NPAS3: variants seen among roughly 807,000 people sequenced by gnomAD.
The protein encoded by NPAS3 is neuronal PAS domain protein 3.
In NPAS3, 14 loss-of-function variants were observed where a neutral mutation model predicts 73.1. The observed-to-expected ratio is 0.19, with a 90% CI of 0.13 to 0.30. NPAS3 has a LOEUF of 0.30. NPAS3 is among the 10% of genes least tolerant of loss of function. The pLI is 1.00. For missense variants in NPAS3, 1,096 were observed against 1,250.0 expected (o/e 0.88, Z 1.86); for synonymous variants, 620 against 541.5 (o/e 1.14, Z -2.01).
At chr14:33,089,074 T>C (rs1439958839) in intron 2 of NPAS3, among the ~76,000 whole-genome samples, 1 of 95,118 alleles carries the variant, frequency 1.1e-5, no homozygotes, top group Non-Finnish European at 2.0e-5. Flanking sequence ...AAGCTGAAAA[T>C]TCTAAAAATC....
At chr14:33,611,237 A>AGG (rs1395865489) in intron 5 of NPAS3, 1 of 151,818 alleles carries the variant, frequency 6.6e-6, no homozygotes, top group East Asian at 1.9e-4. Context: ...GCACATGTTA[A>AGG]TAGGTTTTGT....
intron 5 of NPAS3, among the ~76,000 whole-genome samples, chr14:33,561,529 G>A (rs780350669): frequency 6.6e-6 from 1 of 152,078 alleles, no homozygotes; most frequent in South Asian, 2.1e-4. Context: ...TTGTTAACTC[G>A]GTATTACTAT....
rs191332645 is a variant in NPAS3 at position 32,994,296 on chromosome 14, G to T, written c.50+54930G>T. ...TATGGTACTTCACTGTTCTGTTACAGTGAATACTTGCCAACTGACTTCCTG... is the reference window on the plus strand; with the variant it reads ...TATGGTACTTCACTGTTCTGTTACATTGAATACTTGCCAACTGACTTCCTG... On this transcript the variant is annotated intron_variant, in intron 1 of 11. Transcript: ENST00000356141. Among the ~76,000 whole-genome samples, 5 of 152,262 alleles carry T rather than the reference G, an allele frequency of 3.3e-5. No homozygotes were observed. The East Asian group carries it at 9.6e-4, about 29-fold the overall frequency.
At chr14:33,213,967 A>G (rs2047129299) in intron 2 of NPAS3, 1 of 152,178 alleles carries the variant, frequency 6.6e-6, no homozygotes, top group South Asian at 2.1e-4. Flanking sequence ...ATAGTATATT[A>G]AAAGAGAACG....
intron 4 of NPAS3, among the ~76,000 whole-genome samples, chr14:33,371,232 G>C (rs1247237737): frequency 6.6e-6 from 1 of 152,170 alleles, no homozygotes; most frequent in Non-Finnish European, 1.5e-5. Context: ...AAATCCTGAA[G>C]AGATGTCATA....
chr14:33,454,089 T>C (rs557725467), intron 4 of NPAS3, among the ~76,000 whole-genome samples: 37 of 152,322 alleles, frequency 2.4e-4, no homozygotes, highest in African/African-American at 8.9e-4. Flanking sequence ...ATAGCTTCCT[T>C]TAGCCTAGAT....
In NPAS3 at chr14:33,787,153, G is replaced by GA. The variant is rs1448360381; in HGVS notation, c.1154-6740dup. Among the ~76,000 whole-genome samples, 7 of 152,278 alleles carry GA rather than the reference G, an allele frequency of 4.6e-5. No individual in the cohort carries two copies. The Middle Eastern group carries it at 0.01, about 222-fold the overall frequency. The stretch of plus-strand genomic sequence containing the variant: ...GGGACTGAAACTCCCTGGTCAGACT[G>GA]AAAACAGCTCGTAAAATACTGTGAT... On this transcript the variant is annotated intron_variant, in intron 9 of 11. Transcript: ENST00000356141.
chr14:33,585,579 A>G (rs2056832679), intron 5 of NPAS3, among the ~76,000 whole-genome samples: 1 of 152,220 alleles, frequency 6.6e-6, no homozygotes, highest in Non-Finnish European at 1.5e-5. Flanking sequence ...ATTTCTCAGT[A>G]GGCTGAAAAC....
chr14:33,790,179 A>G (rs970053742), intron 9 of NPAS3, among the ~76,000 whole-genome samples: 1 of 152,188 alleles, frequency 6.6e-6, no homozygotes, highest in Non-Finnish European at 1.5e-5. Flanking sequence ...TGTGATGAGT[A>G]TCTATCTCTT....
intron 5 of NPAS3, among the ~76,000 whole-genome samples, chr14:33,659,308 G>T (rs951260958): frequency 2.0e-5 from 3 of 152,160 alleles, no homozygotes; most frequent in African/African-American, 7.2e-5. Flanking sequence ...CTTGCCCAAA[G>T]TGGGTAATGG....
At chr14:33,194,030 ACAGAATG>A (rs1156674340) in intron 2 of NPAS3, among the ~76,000 whole-genome samples, 1 of 152,232 alleles carries the variant, frequency 6.6e-6, no homozygotes, top group Non-Finnish European at 1.5e-5. Context: ...CCACATGTTG[ACAGAATG>A]CATGATTTAA....
At chr14:33,518,009 A>G (rs1224903500) in intron 4 of NPAS3, among the ~76,000 whole-genome samples, 1 of 152,138 alleles carries the variant, frequency 6.6e-6, no homozygotes, top group East Asian at 1.9e-4. Flanking sequence ...ACCACGTACC[A>G]GAGACTACAA....
intron 2 of NPAS3, among the ~76,000 whole-genome samples, chr14:33,152,323 C>T (rs749355483): frequency 4.6e-5 from 7 of 152,128 alleles, no homozygotes; most frequent in Non-Finnish European, 7.4e-5. Flanking sequence ...TACTTCTCCT[C>T]TTCCTCCCTT....
chr14:33,594,611 C>A (rs2057176743), intron 5 of NPAS3, among the ~76,000 whole-genome samples: 3 of 152,146 alleles, frequency 2.0e-5, no homozygotes, highest in Non-Finnish European at 4.4e-5. Flanking sequence ...TCTGCCTGCC[C>A]AGCCTCCTGC....
chr14:33,020,208 A>G (rs903226079), intron 1 of NPAS3, among the ~76,000 whole-genome samples: 19 of 152,212 alleles, frequency 1.2e-4, no homozygotes, highest in Non-Finnish European at 2.1e-4. Context: ...AGAACAAAGA[A>G]ATCAGTATCA....
intron 2 of NPAS3, among the ~76,000 whole-genome samples, chr14:33,063,594 A>G (rs2138592628): frequency 6.6e-6 from 1 of 152,304 alleles, no homozygotes. Flanking sequence ...TTATTGGAAA[A>G]TATCCATAAC....
chr14:33,133,461 T>G (rs1199224618), intron 2 of NPAS3, among the ~76,000 whole-genome samples: 1 of 152,182 alleles, frequency 6.6e-6, no homozygotes, highest in African/African-American at 2.4e-5. Context: ...TTCATAGTCA[T>G]AAGTGTGTAA....
chr14:33,405,096 CTGTGCACAT>C (rs2047607134), intron 4 of NPAS3, among the ~76,000 whole-genome samples: 1 of 152,068 alleles, frequency 6.6e-6, no homozygotes, highest in Admixed American at 6.6e-5. Context: ...TTCTAGTATG[CTGTGCACAT>C]TGTTGGCTGC....
At chr14:32,972,996 A>C (rs927933847) in intron 1 of NPAS3, among the ~76,000 whole-genome samples, 1 of 152,216 alleles carries the variant, frequency 6.6e-6, no homozygotes, top group Admixed American at 6.5e-5. Context: ...GCATTCTTGC[A>C]GATTAGTTTG....
Sources: gnomAD v4.1 joint callset for allele counts (sites outside exome capture counted in the v4.1 genomes callset) on GRCh38, gnomAD v4.1.1 for gene constraint, MANE v1.5 for transcripts, NCBI Gene and HGNC (gene_info 2026-07-23, HGNC 2026-07-21) for gene names.